TOX: variants seen among roughly 807,000 people sequenced by gnomAD.
The protein encoded by TOX is thymocyte selection associated high mobility group box.
In TOX, 11 loss-of-function variants were observed where a neutral mutation model predicts 53.7. The observed-to-expected ratio is 0.20, with a 90% CI of 0.13 to 0.34. The LOEUF is 0.34. TOX is among the 10% of genes least tolerant of loss of function. The pLI is 1.00. For synonymous variants in TOX, 225 were observed against 245.3 expected, an observed-to-expected ratio of 0.92 and a Z score of 0.77; for missense variants, 570 against 664.6, an observed-to-expected ratio of 0.86 and a Z score of 1.56.
intron 1 of TOX, among the ~76,000 whole-genome samples, chr8:59,060,663 GTAA>G (rs1359933795): frequency 2.0e-5 from 3 of 152,116 alleles, no homozygotes; most frequent in African/African-American, 7.2e-5. Context: ...CATTTTATAT[GTAA>G]TAATAACATA....
intron 3 of TOX, among the ~76,000 whole-genome samples, chr8:58,853,084 C>T (rs892592485): frequency 6.6e-6 from 1 of 152,156 alleles, no homozygotes. Context: ...CTGTCCACAG[C>T]CCCCATGTGT....
intron 1 of TOX, among the ~76,000 whole-genome samples, chr8:59,045,939 T>C (rs546866901): frequency 6.6e-6 from 1 of 152,212 alleles, no homozygotes; most frequent in Non-Finnish European, 1.5e-5. Flanking sequence ...GCTCCAGCTG[T>C]GGCACCAACA....
chr8:58,809,080 C>G (rs992851818), intron 7 of TOX, among the ~76,000 whole-genome samples: 1 of 152,084 alleles, frequency 6.6e-6, no homozygotes, highest in Admixed American at 6.5e-5. Flanking sequence ...ATCTGGTAAA[C>G]AAAAAGCATT....
At chr8:58,837,577 C>T (rs1450240053) in intron 5 of TOX, among the ~76,000 whole-genome samples, 3 of 152,140 alleles carry the variant, frequency 2.0e-5, no homozygotes, top group African/African-American at 7.2e-5. Flanking sequence ...TTAACACAGC[C>T]TAAAAATATG....
chr8:58,903,764 C>T (rs1811767849), intron 3 of TOX, among the ~76,000 whole-genome samples: 1 of 152,136 alleles, frequency 6.6e-6, no homozygotes, highest in South Asian at 2.1e-4. Flanking sequence ...AACTGAATTA[C>T]TAATGAGTTA....
At chr8:58,999,796 A>G (rs1263032524) in intron 1 of TOX, among the ~76,000 whole-genome samples, 2 of 152,156 alleles carry the variant, frequency 1.3e-5, no homozygotes, top group Non-Finnish European at 2.9e-5. Context: ...TCTAGAGAAA[A>G]TTAGGTTTAT....
chr8:58,988,239 G>T (rs1210002612), intron 1 of TOX, among the ~76,000 whole-genome samples: 2 of 152,184 alleles, frequency 1.3e-5, no homozygotes, highest in African/African-American at 4.8e-5. Context: ...GATTTCGGCA[G>T]ATAAAAATAG....
intron 1 of TOX, among the ~76,000 whole-genome samples, chr8:58,987,858 T>TG (rs1473656022): frequency 1.3e-5 from 2 of 152,188 alleles, no homozygotes; most frequent in African/African-American, 2.4e-5. Context: ...ACACTCTGGG[T>TG]GGTTCCCCAC....
intron 6 of TOX, among the ~76,000 whole-genome samples, chr8:58,823,863 T>A (rs1810321857): frequency 6.6e-6 from 1 of 152,186 alleles, no homozygotes; most frequent in Non-Finnish European, 1.5e-5. Flanking sequence ...AGTGAAAGGA[T>A]CTATTGGCCT....
chr8:58,942,017 C>A (rs1204609408), intron 2 of TOX, among the ~76,000 whole-genome samples: 10 of 143,612 alleles, frequency 7.0e-5, no homozygotes, highest in African/African-American at 2.6e-4. Flanking sequence ...CGTGCCACGA[C>A]ACTCCAGCGT....
intron 3 of TOX, among the ~76,000 whole-genome samples, chr8:58,915,635 C>G (rs909682614): frequency 7.5e-5 from 11 of 145,862 alleles, no homozygotes; most frequent in African/African-American, 2.5e-4. Flanking sequence ...AACTCTAAAA[C>G]GCAGAGCGCC....
chr8:59,057,312 A>G (rs1172078260), intron 1 of TOX, among the ~76,000 whole-genome samples: 1 of 152,230 alleles, frequency 6.6e-6, no homozygotes, highest in African/African-American at 2.4e-5. Context: ...AGTATTTATT[A>G]CACCTCTGAC....
intron 1 of TOX, among the ~76,000 whole-genome samples, chr8:58,975,394 T>C (rs1331266862): frequency 1.3e-5 from 2 of 152,110 alleles, no homozygotes; most frequent in Non-Finnish European, 2.9e-5. Flanking sequence ...AGTAAACTAA[T>C]TAAGTCCTTA....
chr8:59,085,842 C>A (rs765801888), intron 1 of TOX, among the ~76,000 whole-genome samples: 7 of 152,062 alleles, frequency 4.6e-5, no homozygotes, highest in African/African-American at 1.4e-4. Context: ...GAGAGACTTA[C>A]GAGAAAGAGA....
At chr8:58,928,600 A>C (rs1046644892) in intron 3 of TOX, among the ~76,000 whole-genome samples, 3 of 151,902 alleles carry the variant, frequency 2.0e-5, no homozygotes, top group African/African-American at 7.3e-5. Context: ...ATCATAGCCT[A>C]TTTTCCTTTT....
chr8:59,004,293 G>A (rs764255399), intron 1 of TOX, among the ~76,000 whole-genome samples: 7 of 152,130 alleles, frequency 4.6e-5, no homozygotes, highest in Non-Finnish European at 1.0e-4. Context: ...CTTTGTGGTT[G>A]AACAACACAC....
intron 1 of TOX, among the ~76,000 whole-genome samples, chr8:59,020,664 G>A (rs773502320): frequency 2.0e-5 from 3 of 151,852 alleles, no homozygotes; most frequent in African/African-American, 7.3e-5. Context: ...ATGCTTTTAC[G>A]TTGCCTTTAC....
intron 1 of TOX, among the ~76,000 whole-genome samples, chr8:59,097,114 G>A (rs1307864203): frequency 2.0e-5 from 3 of 152,194 alleles, no homozygotes; most frequent in Admixed American, 6.5e-5. Flanking sequence ...TGATCAGGAA[G>A]TCTGCTAGCA....
At chr8:59,074,778 A>G (rs1804263340) in intron 1 of TOX, among the ~76,000 whole-genome samples, 1 of 152,202 alleles carries the variant, frequency 6.6e-6, no homozygotes, top group African/African-American at 2.4e-5. Flanking sequence ...GAGCGACAGC[A>G]GCGTGGAAAA....
Sources: allele counts gnomAD v4.1 joint callset (sites outside exome capture counted in the v4.1 genomes callset), GRCh38; gene constraint gnomAD v4.1.1; transcripts MANE v1.5; gene names NCBI Gene and HGNC (gene_info 2026-07-23, HGNC 2026-07-21).